The following CTNND2 variants were observed in gnomAD, a reference collection of about 807,000 sequenced individuals.
CTNND2 encodes the protein catenin delta 2.
A neutral mutation model predicts 144.4 loss-of-function variants in CTNND2; 22 were observed. That is an observed-to-expected ratio of 0.15 (90% CI 0.11 to 0.22). CTNND2 has a LOEUF of 0.22. Among genes scored for constraint, CTNND2 ranks in the 10% least tolerant of loss-of-function variants. CTNND2 has a pLI of 1.00. For missense variants in CTNND2, 1,353 were observed against 1,618.8 expected (o/e 0.84, Z 2.82); for synonymous variants, 751 against 695.6 (o/e 1.08, Z -1.25).
chr5:11,234,122 C>A (rs1248010456), intron 10 of CTNND2, among the ~76,000 whole-genome samples: 1 of 152,014 alleles, frequency 6.6e-6, no homozygotes, highest in Non-Finnish European at 1.5e-5. Flanking sequence ...CTTGATGGCA[C>A]CCACAGCAAA....
intron 16 of CTNND2, among the ~76,000 whole-genome samples, chr5:11,081,094 ACACAC>A (rs2149632208): frequency 6.6e-6 from 1 of 151,662 alleles, no homozygotes; most frequent in South Asian, 2.1e-4. Context: ...ACACACACAC[ACACAC>A]ACACACACTC....
chr5:11,589,050 G>A, intron 2 of CTNND2: 1 of 985,036 alleles, frequency 1.0e-6, no homozygotes, highest in Non-Finnish European at 1.2e-6. Context: ...ACATATCAGA[G>A]ATACCACAAG....
chr5:11,129,976 C>A (rs575990184), intron 12 of CTNND2, among the ~76,000 whole-genome samples: 1 of 152,208 alleles, frequency 6.6e-6, no homozygotes, highest in East Asian at 1.9e-4. Flanking sequence ...GAAAGCTGGT[C>A]TCTTATCACA....
chr5:11,244,308 A>G (rs1318476786), intron 9 of CTNND2, among the ~76,000 whole-genome samples: 1 of 126,906 alleles, frequency 7.9e-6, no homozygotes, highest in Non-Finnish European at 1.6e-5. Flanking sequence ...TTTTTTTGAG[A>G]CAGTCTTACT....
chr5:11,159,730 C>A lies in CTNND2; in HGVS notation c.2005G>T (p.Ala669Ser). ...GVLWNLSSCD[A>S]LKMPIIQDAL... Reference sequence around the variant, plus strand: ...TCCTGGATGATTGGCATTTTGAGTGCATCGCATGAGGAGAGGTTCCAAAGG... The same window carrying A: ...TCCTGGATGATTGGCATTTTGAGTGAATCGCATGAGGAGAGGTTCCAAAGG... The change falls in exon 12 of 22, where the codon GCA becomes TCA. Residue 669 changes from alanine (A) to serine (S), a missense_variant. This residue lies in a region of CTNND2 where 117 missense variants were observed against 117.8 expected (regional missense o/e 0.99). Coordinates refer to ENST00000304623, the MANE Select transcript of CTNND2 (RefSeq NM_001332.4). 6.2e-7 allele frequency: 1 copy of A among 1,605,232 alleles called. No homozygotes were observed. The highest frequency in any genetic ancestry group is 8.5e-7 in the Non-Finnish European group (1 of 1,175,814).
At chr5:11,532,517 A>T (rs1409702828) in intron 3 of CTNND2, among the ~76,000 whole-genome samples, 1 of 152,218 alleles carries the variant, frequency 6.6e-6, no homozygotes, top group African/African-American at 2.4e-5. Flanking sequence ...AGACCTTTGA[A>T]CTATAAAGCA....
At chr5:11,556,090 G>C (rs1270043903) in intron 3 of CTNND2, among the ~76,000 whole-genome samples, 2 of 151,900 alleles carry the variant, frequency 1.3e-5, no homozygotes, top group Non-Finnish European at 2.9e-5. Flanking sequence ...TTTTTTCCTA[G>C]CATGGAAACT....
At chr5:11,660,826 A>G (rs1783161675) in intron 2 of CTNND2, among the ~76,000 whole-genome samples, 1 of 152,308 alleles carries the variant, frequency 6.6e-6, no homozygotes, top group East Asian at 1.9e-4. Flanking sequence ...TCCAGATGAT[A>G]AAGTAAAATA....
chr5:11,498,913 G>A (rs780908547), intron 3 of CTNND2, among the ~76,000 whole-genome samples: 2 of 152,150 alleles, frequency 1.3e-5, no homozygotes, highest in Admixed American at 6.5e-5. Flanking sequence ...AGATCTGGAT[G>A]TGTGTTTTTT....
At chr5:11,615,128 T>G (rs1780519886) in intron 2 of CTNND2, among the ~76,000 whole-genome samples, 1 of 152,170 alleles carries the variant, frequency 6.6e-6, no homozygotes, top group Non-Finnish European at 1.5e-5. Flanking sequence ...ATACGAAAAA[T>G]TTTGACACAT....
chr5:11,583,340 G>A (rs542860064), intron 2 of CTNND2, among the ~76,000 whole-genome samples: 1 of 152,322 alleles, frequency 6.6e-6, no homozygotes, highest in South Asian at 2.1e-4. Flanking sequence ...CAGAAGGGGC[G>A]TATGCAGTGA....
intron 1 of CTNND2, among the ~76,000 whole-genome samples, chr5:11,790,637 C>G (rs746395145): frequency 6.6e-6 from 1 of 152,106 alleles, no homozygotes; most frequent in African/African-American, 2.4e-5. Context: ...AATATGTCAG[C>G]CTTGGTCTCT....
chr5:11,623,326 T>A (rs1232506692), intron 2 of CTNND2, among the ~76,000 whole-genome samples: 2 of 152,110 alleles, frequency 1.3e-5, no homozygotes, highest in Non-Finnish European at 2.9e-5. Context: ...AATTGAACTA[T>A]GGGAGTGGTT....
At chr5:11,547,072 C>G (rs575124256) in intron 3 of CTNND2, among the ~76,000 whole-genome samples, 17 of 152,010 alleles carry the variant, frequency 1.1e-4, no homozygotes, top group Non-Finnish European at 2.2e-4. Flanking sequence ...GGTTCAAGAC[C>G]AGCCTGGCCA....
At chr5:11,201,968 C>T (rs1436974451) in intron 10 of CTNND2, among the ~76,000 whole-genome samples, 6 of 152,208 alleles carry the variant, frequency 3.9e-5, no homozygotes, top group African/African-American at 9.6e-5. Flanking sequence ...GGATATTCCA[C>T]GTGTACAAAA....
chr5:11,665,020 G>T (rs183591000), intron 2 of CTNND2, among the ~76,000 whole-genome samples: 7 of 152,126 alleles, frequency 4.6e-5, no homozygotes, highest in Non-Finnish European at 8.8e-5. Context: ...TCCATTACTC[G>T]AGTTGCCAGC....
chr5:11,090,021 T>G (rs768352510), intron 15 of CTNND2, among the ~76,000 whole-genome samples: 42 of 151,894 alleles, frequency 2.8e-4, no homozygotes, highest in African/African-American at 8.7e-4. Context: ...AAAAAATAAA[T>G]AGATAGATAG....
intron 3 of CTNND2, among the ~76,000 whole-genome samples, chr5:11,433,615 A>G (rs1011025782): frequency 6.6e-6 from 1 of 152,178 alleles, no homozygotes; most frequent in Non-Finnish European, 1.5e-5. Flanking sequence ...AATGGTGAGA[A>G]CGGGAGCAAA....
intron 2 of CTNND2, among the ~76,000 whole-genome samples, chr5:11,705,541 T>C (rs1403415008): frequency 1.3e-5 from 2 of 152,154 alleles, no homozygotes; most frequent in African/African-American, 4.8e-5. Context: ...ATAGTATATA[T>C]CTGAGTAGTG....
Sources: gnomAD v4.1 joint callset for allele counts (sites outside exome capture counted in the v4.1 genomes callset) on GRCh38, gnomAD v4.1.1 for gene constraint, gnomAD v4.1.1 regional missense constraint, MANE v1.5 for transcripts, NCBI Gene and HGNC (gene_info 2026-07-23, HGNC 2026-07-21) for gene names.